The following ST14 variants were observed in gnomAD, a reference collection of about 807,000 sequenced individuals.
ST14 encodes the protein ST14 transmembrane serine protease matriptase, also known as suppressor of tumorigenicity 14 protein.
In ST14, 40 loss-of-function variants were observed where a neutral mutation model predicts 96.5. That is an observed-to-expected ratio of 0.41 (90% confidence interval 0.32 to 0.54). The LOEUF (loss-of-function observed/expected upper bound fraction) is 0.54, where lower values mean the gene tolerates loss of function less well. Ranked by LOEUF, ST14 falls within the 20% of genes least tolerant of loss-of-function variation. ST14 has a pLI of 0.17. For synonymous variants in ST14, 506 were observed against 492.1 expected (o/e 1.03, Z -0.37); for missense variants, 1,066 against 1,188.9 (o/e 0.90, Z 1.52).
chr11:130,197,669 A>C (rs1214078969), intron 11 of ST14, among the ~76,000 whole-genome samples, 172 bp from the exon 12 acceptor site: 1 of 152,224 alleles, frequency 6.6e-6, no homozygotes, highest in Non-Finnish European at 1.5e-5. Flanking sequence ...CTGCGGGTGC[A>C]GGAACCCCTT....
At chr11:130,209,220 C>G (rs902579694) in intron 17 of ST14, among the ~76,000 whole-genome samples, 10 of 152,144 alleles carry the variant, frequency 6.6e-5, no homozygotes, top group African/African-American at 1.9e-4. Flanking sequence ...GCCACGGCGT[C>G]TGTTCCCTCT....
chr11:130,165,298 G>C (rs1953032570), intron 1 of ST14, among the ~76,000 whole-genome samples: 1 of 152,214 alleles, frequency 6.6e-6, no homozygotes, highest in Admixed American at 6.5e-5. Flanking sequence ...GGTTGTTTCT[G>C]AGATGCCTGG....
intron 7 of ST14, among the ~76,000 whole-genome samples, chr11:130,193,476 C>CT (rs35659117): frequency 0.11 from 16,411 of 143,534 alleles, 980 homozygotes; most frequent in East Asian, 0.24. Context: ...GGGTGTTGCT[C>CT]TTTTTTTTTT....
In ST14 at chr11:130,204,435, T is replaced by G. The variant is rs193201937; in HGVS notation, c.1995-3975T>G. On this transcript the variant is annotated intron_variant, in intron 16 of 18. Transcript: ENST00000278742. ...ATTTTCTGGTGGCAACAGATTACAG[T>G]GAAGCGAGATTGGGCATAGCCTAGG... 9.8e-5 allele frequency among the ~76,000 whole-genome samples: 15 copies of G among 152,316 alleles called. No homozygotes were observed. The East Asian group carries it at 1.7e-3, about 18-fold the overall frequency.
chr11:130,205,711 G>GTTTTTT (rs1384712236), intron 16 of ST14, among the ~76,000 whole-genome samples: 1 of 76,000 alleles, frequency 1.3e-5, no homozygotes, highest in African/African-American at 4.0e-5. Flanking sequence ...TTTTTTTTTT[G>GTTTTTT]TTTTTTTTTT....
At chr11:130,198,098 C>T (rs866179440) in intron 12 of ST14, among the ~76,000 whole-genome samples, 153 bp downstream of exon 12, 1 of 152,152 alleles carries the variant, frequency 6.6e-6, no homozygotes, top group Non-Finnish European at 1.5e-5. Context: ...CCCCACTCCC[C>T]ACCCTGCCAT....
Position 130,197,882 on chromosome 11 carries a change from C to T in ST14, c.1396C>T (p.Arg466Trp), listed in dbSNP as rs377658441. 1.9e-5 allele frequency: 30 copies of T among 1,596,008 alleles called. No homozygotes were observed. The highest frequency in any genetic ancestry group is 4.5e-5 in the South Asian group (4 of 88,804). ...CACGTGCCGCACGGGGCGGTGTATC[C>T]GGAAGGAGCTGCGCTGTGATGGCTG... ...QFTCRTGRCI[R>W]KELRCDGWAD... Residue 466 changes from arginine to tryptophan, a missense_variant, in exon 12 of 19, where the codon CGG becomes TGG. Arg to Trp is a moderately radical substitution (Grantham distance 101). Coordinates refer to ENST00000278742, the MANE Select transcript of ST14 (RefSeq NM_021978.4).
At chr11:130,196,479 G>A (rs765058762) in intron 10 of ST14, 31 bp downstream of exon 10, 3 of 1,589,558 alleles carry the variant, frequency 1.9e-6, no homozygotes, top group Admixed American at 1.7e-5. Flanking sequence ...GGGCTGCCGG[G>A]CCCATGCTGC....
chr11:130,191,570 A>G (rs1178238309), intron 7 of ST14, among the ~76,000 whole-genome samples: 8 of 151,770 alleles, frequency 5.3e-5, no homozygotes, highest in Non-Finnish European at 8.8e-5. Flanking sequence ...GGCGCCTGTA[A>G]TCCCAGCTAC....
chr11:130,185,182 A>C (rs1953226211), intron 1 of ST14, among the ~76,000 whole-genome samples: 1 of 152,254 alleles, frequency 6.6e-6, no homozygotes, highest in African/African-American at 2.4e-5. Context: ...CATTCATGGA[A>C]CAAATACAAG....
At chr11:130,180,000 G>A (rs117656457) in intron 1 of ST14, among the ~76,000 whole-genome samples, 3 of 152,156 alleles carry the variant, frequency 2.0e-5, no homozygotes, top group Non-Finnish European at 2.9e-5. Flanking sequence ...TTCCTTTCTC[G>A]CTTGAACAAT....
intron 16 of ST14, among the ~76,000 whole-genome samples, chr11:130,200,361 C>T (rs1217678939): frequency 6.6e-6 from 1 of 152,178 alleles, no homozygotes; most frequent in East Asian, 1.9e-4. Context: ...TGGTGCCAGC[C>T]TCTGCTTCTG....
chr11:130,206,570 T>TTC (rs917447263), intron 16 of ST14, among the ~76,000 whole-genome samples: 2 of 136,542 alleles, frequency 1.5e-5, no homozygotes, highest in Non-Finnish European at 3.5e-5. Flanking sequence ...TTCTTTTCTT[T>TTC]TTTTTTTTCT....
In ST14 at chr11:130,209,758, A is replaced by G. The variant is rs765257364; in HGVS notation, c.2503A>G (p.Lys835Glu). Reference protein sequence around the residue: ...SWGDGCAQRNKPGVYTRLPLF... With the variant: ...SWGDGCAQRNEPGVYTRLPLF... ...GGGAGACGGCTGCGCTCAGAGGAAC[A>G]AGCCAGGCGTGTACACAAGGCTCCC... Residue 835 changes from lysine to glutamate, a missense_variant, in exon 19 of 19, where the codon AAG (lysine) becomes GAG (glutamate). Lys to Glu is a moderately conservative substitution (Grantham distance 56). Transcript: ENST00000278742. 10 of 1,614,020 alleles carry G rather than the reference A, an allele frequency of 6.2e-6. No homozygotes were observed. In the South Asian group the frequency reaches 9.9e-5, roughly 16 times the overall value.
intron 16 of ST14, among the ~76,000 whole-genome samples, chr11:130,205,442 CTTA>C (rs2136220433): frequency 6.6e-6 from 1 of 152,234 alleles, no homozygotes; most frequent in Non-Finnish European, 1.5e-5. Flanking sequence ...AGTGAACACT[CTTA>C]TACCTTTGAT....
chr11:130,198,048 G>A, intron 12 of ST14, 103 bp downstream of exon 12: 1 of 1,282,210 alleles, frequency 7.8e-7, no homozygotes. Context: ...GCCGGAGGTG[G>A]TGGGAGTTTT....
chr11:130,196,624 A>G lies in ST14; in HGVS notation c.1278A>G (p.Thr426=). ...TCACCAGCAACAGCAACAAGATCAC[A>G]GTTCGCTTCCACTCAGATCAGTCCT... ...FVVTSNSNKI[T]VRFHSDQSYT... Residue 426 remains threonine (T), a synonymous_variant, in exon 11 of 19, where the codon ACA becomes ACG. Coordinates refer to ENST00000278742, the MANE Select transcript of ST14 (RefSeq NM_021978.4). The G allele has an allele frequency of 6.2e-7, 1 of 1,613,818 alleles. No individual in the cohort carries two copies. The highest frequency in any genetic ancestry group is 1.3e-5 in the African/African-American group (1 of 74,938).
intron 1 of ST14, among the ~76,000 whole-genome samples, chr11:130,169,092 G>GT (rs59747710): frequency 0.044 from 4,942 of 112,256 alleles, 132 homozygotes; most frequent in East Asian, 0.077. Flanking sequence ...AATATAATGG[G>GT]TTTTTTTTTT....
At chr11:130,162,548 C>T (rs1178924423) in intron 1 of ST14, among the ~76,000 whole-genome samples, 1 of 152,124 alleles carries the variant, frequency 6.6e-6, no homozygotes, top group Non-Finnish European at 1.5e-5. Flanking sequence ...TGTCTAGGGG[C>T]CAGGGTGTAC....
Sources: gnomAD v4.1 joint callset for allele counts (sites outside exome capture counted in the v4.1 genomes callset) on GRCh38, gnomAD v4.1.1 for gene constraint, MANE v1.5 for transcripts, NCBI Gene and HGNC (gene_info 2026-07-23, HGNC 2026-07-21) for gene names.